MGAT4C: variants seen among roughly 807,000 people sequenced by gnomAD.
MGAT4C encodes the protein alpha-1,3-mannosyl-glycoprotein 4-beta-N-acetylglucosaminyltransferase C.
MGAT4C carries 19 observed loss-of-function variants against 40.1 expected under a neutral mutation model. The observed-to-expected ratio is 0.47, with a 90% CI of 0.33 to 0.70. MGAT4C has a LOEUF of 0.70. Among genes scored for constraint, MGAT4C ranks in the 30% least tolerant of loss-of-function variants. The pLI is 0.02. For missense variants in MGAT4C, 491 were observed against 563.2 expected (o/e 0.87, Z 1.30); for synonymous variants, 181 against 187.1 (o/e 0.97, Z 0.27).
At chr12:86,323,162 C>G (rs1954437716) in intron 4 of MGAT4C, among the ~76,000 whole-genome samples, 2 of 150,456 alleles carry the variant, frequency 1.3e-5, no homozygotes, top group Non-Finnish European at 3.0e-5. Flanking sequence ...CTATACAATG[C>G]TGTTTAGTGA....
chr12:85,970,576 G>A lies in MGAT4C; in HGVS notation c.*8713C>T, dbSNP rs192817590. 8.1e-4 allele frequency: 123 copies of A among 151,208 alleles called. No individual in the cohort carries two copies. Among genetic ancestry groups the A allele is most frequent in the African/African-American group, 2.8e-3 (114 of 41,420 alleles). The allele number at this position is 151,208 out of a possible 1,614,324, so 9.4% of individuals were successfully genotyped here. A position where few individuals can be genotyped will look rare whatever the true frequency, so the allele number is the denominator to read the frequency against. ...TTGCATGAAAATAACTCCATCCTGA[G>A]TATACTCATTTCAATAAATTATTTG... On this transcript the variant is annotated 3_prime_UTR_variant, in exon 5 of 5. Transcript: ENST00000611864.
chr12:86,159,613 T>C (rs1297892371), intron 1 of MGAT4C, among the ~76,000 whole-genome samples: 1 of 152,044 alleles, frequency 6.6e-6, no homozygotes, highest in African/African-American at 2.4e-5. Context: ...ATTTTTTTTC[T>C]TTTTATACAT....
chr12:86,731,844 A>G (rs1483365650), intron 1 of MGAT4C, among the ~76,000 whole-genome samples: 1 of 152,146 alleles, frequency 6.6e-6, no homozygotes, highest in Non-Finnish European at 1.5e-5. Context: ...GAGGAAATTC[A>G]GGCTGCAATC....
rs192974724 is a variant in MGAT4C at position 86,431,948 on chromosome 12, G to C, written c.-120+3209C>G. ...TAAAGACTATGGAGAGAAGAGGAAA[G>C]AGCGAGACAGAGAGAGAGAGAGAGG... On this transcript the variant is annotated intron_variant, in intron 3 of 7. Coordinates refer to the MGAT4C transcript ENST00000548651. 1.9e-3 allele frequency among the ~76,000 whole-genome samples: 288 copies of C among 152,212 alleles called. 1 individual carries two copies. The highest frequency in any genetic ancestry group is 6.8e-3 in the Middle Eastern group (2 of 294).
At chr12:86,802,866 T>G (rs1418933072) in intron 1 of MGAT4C, among the ~76,000 whole-genome samples, 2 of 141,466 alleles carry the variant, frequency 1.4e-5, no homozygotes, top group East Asian at 2.0e-4. Context: ...TTCAATGCCA[T>G]CCCCATCAAG....
At chr12:86,205,134 A>T (rs1950203545) in intron 1 of MGAT4C, among the ~76,000 whole-genome samples, 1 of 152,010 alleles carries the variant, frequency 6.6e-6, no homozygotes, top group Non-Finnish European at 1.5e-5. Flanking sequence ...ATTAATGCTC[A>T]GAGCAGAAAG....
At chr12:86,706,985 G>C (rs1432982568) in intron 2 of MGAT4C, among the ~76,000 whole-genome samples, 1 of 152,156 alleles carries the variant, frequency 6.6e-6, no homozygotes, top group Non-Finnish European at 1.5e-5. Flanking sequence ...ATCTCTCTTT[G>C]CCTGCTGCCA....
chr12:86,353,534 A>G (rs1955228047), intron 3 of MGAT4C, among the ~76,000 whole-genome samples: 1 of 152,120 alleles, frequency 6.6e-6, no homozygotes, highest in South Asian at 2.1e-4. Context: ...AGGAACTGTG[A>G]CCGCTATAGG....
intron 3 of MGAT4C, among the ~76,000 whole-genome samples, chr12:86,354,031 T>C (rs547533692): frequency 3.2e-4 from 49 of 152,202 alleles, no homozygotes; most frequent in Non-Finnish European, 6.3e-4. Flanking sequence ...TGTGTGGAAC[T>C]GAACCAACAC....
chr12:86,491,131 T>G (rs917935109), intron 2 of MGAT4C, among the ~76,000 whole-genome samples: 6 of 151,974 alleles, frequency 3.9e-5, no homozygotes, highest in African/African-American at 7.3e-5. Context: ...AATAACAGGC[T>G]CTGAAATTGT....
intron 4 of MGAT4C, among the ~76,000 whole-genome samples, chr12:86,332,261 C>T (rs1411167902): frequency 2.0e-5 from 3 of 152,152 alleles, no homozygotes; most frequent in Admixed American, 2.0e-4. Flanking sequence ...TTTCATTTAA[C>T]TGCCACTTTG....
rs79275304 is a variant in MGAT4C at position 86,092,337 on chromosome 12, T to C, written c.-56-42614A>G. Among the ~76,000 whole-genome samples, 87 of 152,248 alleles carry C rather than the reference T, an allele frequency of 5.7e-4. 4 individuals are homozygous for C. In the East Asian group the frequency reaches 0.016, roughly 28 times the overall value. On this transcript the variant is annotated intron_variant, in intron 1 of 4. Transcript: ENST00000611864. The stretch of plus-strand genomic sequence containing the variant: ...GAGCTGGAAGAAAGGTGGAGATAAA[T>C]TACTATTATCCTGTTGTTCTATTTA...
At chr12:86,361,299 C>T (rs1345880442) in intron 3 of MGAT4C, among the ~76,000 whole-genome samples, 2 of 152,194 alleles carry the variant, frequency 1.3e-5, no homozygotes, top group Admixed American at 6.5e-5. Context: ...AAAGCTGAAA[C>T]TGGATCCCTT....
At chr12:86,734,946 A>G (rs549877161) in intron 1 of MGAT4C, among the ~76,000 whole-genome samples, 1 of 152,176 alleles carries the variant, frequency 6.6e-6, no homozygotes, top group African/African-American at 2.4e-5. Flanking sequence ...AAGGAGTAGG[A>G]AAACATTTAA....
intron 3 of MGAT4C, among the ~76,000 whole-genome samples, chr12:86,411,534 CA>C (rs1565742844): frequency 6.6e-6 from 1 of 152,114 alleles, no homozygotes; most frequent in Non-Finnish European, 1.5e-5. Flanking sequence ...TTCTAAGCAA[CA>C]AAACATTCAA....
At position 86,306,245 on chromosome 12, in the gene MGAT4C, A is replaced by C. The variant is rs139522308; in HGVS notation, c.-57+27820T>G. Among the ~76,000 whole-genome samples the C allele has an allele frequency of 6.0e-3, 903 of 150,662 alleles. 11 individuals are homozygous for C. The highest frequency in any genetic ancestry group is 0.01 in the Middle Eastern group (3 of 294). On this transcript the variant is annotated intron_variant, in intron 4 of 7. Coordinates refer to the MGAT4C transcript ENST00000548651. Reference sequence around the variant, plus strand: ...GAGAAACAGAAACATAGGTCTACACACACTTATCAAGAAAGTTAATAGCAG... The same window carrying C: ...GAGAAACAGAAACATAGGTCTACACCCACTTATCAAGAAAGTTAATAGCAG...
At chr12:86,585,726 TTTTTTTTAA>T (rs1257796070) in intron 2 of MGAT4C, among the ~76,000 whole-genome samples, 2 of 8,272 alleles carry the variant, frequency 2.4e-4, no homozygotes, top group Non-Finnish European at 2.0e-3. Context: ...CCATGTTTTA[TTTTTTTTAA>T]TTTTTTTTTT....
At chr12:86,780,044 T>C (rs1462579930) in intron 1 of MGAT4C, among the ~76,000 whole-genome samples, 1 of 152,030 alleles carries the variant, frequency 6.6e-6, no homozygotes, top group Non-Finnish European at 1.5e-5. Context: ...ATAATATAAT[T>C]GCCAATTCCC....
intron 2 of MGAT4C, among the ~76,000 whole-genome samples, chr12:86,724,561 TTAA>T (rs1393322040): frequency 6.6e-6 from 1 of 152,166 alleles, no homozygotes; most frequent in Non-Finnish European, 1.5e-5. Context: ...ATAATAACTA[TTAA>T]TAACTACCTG....
Sources: gnomAD v4.1 joint callset for allele counts (sites outside exome capture counted in the v4.1 genomes callset) on GRCh38, gnomAD v4.1.1 for gene constraint, MANE v1.5 for transcripts, NCBI Gene and HGNC (gene_info 2026-07-23, HGNC 2026-07-21) for gene names.